The following RBMS3 variants were observed in gnomAD, a reference collection of about 807,000 sequenced individuals.
RBMS3 encodes RNA binding motif single stranded interacting protein 3.
A neutral mutation model predicts 66.8 loss-of-function variants in RBMS3; 27 were observed. The ratio of observed to expected loss-of-function variants is 0.40; its 90% CI spans 0.30 to 0.56. The LOEUF is 0.56. Ranked by LOEUF, RBMS3 falls within the 20% of genes least tolerant of loss-of-function variation. The pLI is 0.40. For synonymous variants in RBMS3, 188 were observed against 183.0 expected, an observed-to-expected ratio of 1.03 and a Z score of -0.22; for missense variants, 513 against 549.5, an observed-to-expected ratio of 0.93 and a Z score of 0.66.
At chr3:29,892,511 A>G (rs1206699528) in intron 8 of RBMS3, among the ~76,000 whole-genome samples, 1 of 151,456 alleles carries the variant, frequency 6.6e-6, no homozygotes, top group Non-Finnish European at 1.5e-5. Context: ...AGACATTGCC[A>G]AATGTCTGCT....
chr3:29,659,863 G>A (rs549788224), intron 4 of RBMS3, among the ~76,000 whole-genome samples: 1 of 152,190 alleles, frequency 6.6e-6, no homozygotes, highest in Non-Finnish European at 1.5e-5. Context: ...TGCACCAAGG[G>A]TTCTTATTTC....
chr3:29,726,830 C>G (rs116551483), intron 4 of RBMS3, among the ~76,000 whole-genome samples: 1 of 152,056 alleles, frequency 6.6e-6, no homozygotes, highest in African/African-American at 2.4e-5. Context: ...TGTTAAGCTA[C>G]GATTGACTTT....
At chr3:29,372,688 G>T (rs534212800) in intron 1 of RBMS3, among the ~76,000 whole-genome samples, 1 of 151,594 alleles carries the variant, frequency 6.6e-6, no homozygotes, top group Non-Finnish European at 1.5e-5. Context: ...TAAATGTCTC[G>T]GGGAGACAAA....
chr3:29,787,591 T>C (rs1271118958), intron 6 of RBMS3, among the ~76,000 whole-genome samples: 3 of 152,154 alleles, frequency 2.0e-5, no homozygotes, highest in Non-Finnish European at 4.4e-5. Flanking sequence ...AACTCAGGAA[T>C]GGAAAACCAA....
chr3:29,931,014 A>T (rs1267001428), intron 10 of RBMS3, among the ~76,000 whole-genome samples: 1 of 152,138 alleles, frequency 6.6e-6, no homozygotes, highest in Admixed American at 6.5e-5. Context: ...ACTCTTATAA[A>T]GCATATATTA....
intron 6 of RBMS3, among the ~76,000 whole-genome samples, chr3:29,770,833 T>C (rs1045134046): frequency 2.6e-5 from 4 of 151,922 alleles, no homozygotes; most frequent in East Asian, 1.9e-4. Flanking sequence ...GGAAACCAAA[T>C]TGAATAATTA....
chr3:29,976,174 C>A (rs183293820), intron 12 of RBMS3, among the ~76,000 whole-genome samples: 23 of 151,882 alleles, frequency 1.5e-4, no homozygotes, highest in African/African-American at 5.3e-4. Flanking sequence ...CCCTCACTCC[C>A]GAATACAATA....
At chr3:29,997,356 C>T (rs910321853) in intron 14 of RBMS3, among the ~76,000 whole-genome samples, 1 of 150,526 alleles carries the variant, frequency 6.6e-6, no homozygotes, top group Non-Finnish European at 1.5e-5. Flanking sequence ...GGAACTGGTA[C>T]CATTCCTTCT....
At chr3:29,464,045 T>C (rs555670525) in intron 2 of RBMS3, among the ~76,000 whole-genome samples, 1 of 152,272 alleles carries the variant, frequency 6.6e-6, no homozygotes, top group Admixed American at 6.5e-5. Flanking sequence ...TTGAGGTCTT[T>C]GAGACCTTCA....
At chr3:29,852,908 C>T (rs1047020011) in intron 6 of RBMS3, among the ~76,000 whole-genome samples, 1 of 152,146 alleles carries the variant, frequency 6.6e-6, no homozygotes, top group African/African-American at 2.4e-5. Context: ...TGGAATCAAC[C>T]TAAATGCCCA....
chr3:29,632,860 T>G (rs2049336263), intron 4 of RBMS3, among the ~76,000 whole-genome samples: 1 of 151,862 alleles, frequency 6.6e-6, no homozygotes, highest in African/African-American at 2.4e-5. Context: ...TCTGCTTATT[T>G]CCCCACACCT....
At chr3:29,567,699 G>A (rs200699010) in intron 3 of RBMS3, among the ~76,000 whole-genome samples, 4 of 70,970 alleles carry the variant, frequency 5.6e-5, no homozygotes, top group Admixed American at 3.2e-4. Context: ...ATCAGCCCTC[G>A]TGCTTATCCT....
chr3:29,674,520 A>C (rs1292855398), intron 4 of RBMS3, among the ~76,000 whole-genome samples: 2 of 152,146 alleles, frequency 1.3e-5, no homozygotes, highest in Non-Finnish European at 2.9e-5. Context: ...ATCTCAGCCC[A>C]AAATCTCCTT....
At chr3:29,643,495 T>C (rs1228962530) in intron 4 of RBMS3, among the ~76,000 whole-genome samples, 3 of 152,086 alleles carry the variant, frequency 2.0e-5, no homozygotes, top group Non-Finnish European at 4.4e-5. Flanking sequence ...TAGCTTCAAG[T>C]TCTAAGTTTG....
At chr3:29,325,368 C>T (rs981258571) in intron 1 of RBMS3, among the ~76,000 whole-genome samples, 2 of 151,920 alleles carry the variant, frequency 1.3e-5, no homozygotes, top group East Asian at 1.9e-4. Context: ...GAGATTTTAT[C>T]GTTATACCGT....
intron 4 of RBMS3, among the ~76,000 whole-genome samples, chr3:29,587,619 C>G (rs2047579829): frequency 6.6e-6 from 1 of 151,594 alleles, no homozygotes; most frequent in South Asian, 2.1e-4. Context: ...GTAGAATTAT[C>G]AGCAACTTGT....
At chr3:29,998,280 G>C (rs1577355700) in intron 14 of RBMS3, among the ~76,000 whole-genome samples, 2 of 152,048 alleles carry the variant, frequency 1.3e-5, no homozygotes, top group Admixed American at 6.6e-5. Context: ...ACAAACAAAT[G>C]GAAGAACATT....
At chr3:29,448,033 T>A (rs527706836) in intron 2 of RBMS3, among the ~76,000 whole-genome samples, 81 of 152,340 alleles carry the variant, frequency 5.3e-4, no homozygotes, top group South Asian at 1.2e-3. Context: ...AGAATGGACT[T>A]GTTTCACTGA....
intron 3 of RBMS3, among the ~76,000 whole-genome samples, chr3:29,568,512 C>T (rs2046821407): frequency 6.6e-6 from 1 of 152,182 alleles, no homozygotes; most frequent in Non-Finnish European, 1.5e-5. Context: ...GAGAAAATGC[C>T]TTTGGCATTA....
Sources: gnomAD v4.1 joint callset for allele counts (sites outside exome capture counted in the v4.1 genomes callset) on GRCh38, gnomAD v4.1.1 for gene constraint, MANE v1.5 for transcripts, NCBI Gene and HGNC (gene_info 2026-07-23, HGNC 2026-07-21) for gene names.